NFIB: variants seen among roughly 807,000 people sequenced by gnomAD.
NFIB encodes the protein nuclear factor I B.
Under a neutral mutation model 61.5 loss-of-function variants are expected in NFIB, and 11 were observed. The ratio of observed to expected loss-of-function variants is 0.18; its 90% CI spans 0.11 to 0.30. The LOEUF is 0.30. Among genes scored for constraint, NFIB ranks in the 10% least tolerant of loss-of-function variants. The probability of loss-of-function intolerance (pLI) is 1.00; values close to 1 mark genes in which losing one functional copy is unlikely to be tolerated. For synonymous variants in NFIB, 260 were observed against 216.5 expected, an observed-to-expected ratio of 1.20 and a Z score of -1.76; for missense variants, 471 against 608.9, an observed-to-expected ratio of 0.77 and a Z score of 2.38.
intron 2 of NFIB, among the ~76,000 whole-genome samples, chr9:14,220,867 A>ACACG (rs1280731154): frequency 6.6e-5 from 10 of 151,240 alleles, no homozygotes; most frequent in Non-Finnish European, 1.5e-5. Flanking sequence ...ACACACACAC[A>ACACG]CACACACACA....
upstream of NFIB, among the ~76,000 whole-genome samples, chr9:14,400,394 T>G (rs1240186654): frequency 6.6e-6 from 1 of 152,206 alleles, no homozygotes; most frequent in African/African-American, 2.4e-5. Flanking sequence ...AGGAGATGAC[T>G]TTGCAGAATA....
the NFIB span, among the ~76,000 whole-genome samples, chr9:14,441,168 A>C: frequency 6.6e-6 from 1 of 152,026 alleles, no homozygotes; most frequent in Non-Finnish European, 1.5e-5. Flanking sequence ...GAGAAAACAA[A>C]AAAAAAAATC....
chr9:14,425,395 G>A, the NFIB span, among the ~76,000 whole-genome samples: 3 of 152,070 alleles, frequency 2.0e-5, no homozygotes, highest in African/African-American at 7.2e-5. Flanking sequence ...CAAAACAGGG[G>A]CACTGTGTGG....
the NFIB span, among the ~76,000 whole-genome samples, chr9:14,412,980 AC>A: frequency 2.6e-5 from 4 of 151,980 alleles, no homozygotes; most frequent in Admixed American, 2.6e-4. Context: ...CACAGTACAA[AC>A]CACCCCTCCT....
the NFIB span, among the ~76,000 whole-genome samples, chr9:14,530,685 T>C: frequency 1.3e-5 from 2 of 152,090 alleles, no homozygotes; most frequent in African/African-American, 2.4e-5. Flanking sequence ...TGCCTGGCAA[T>C]GCCAGAAGCC....
chr9:14,102,347 C>G, intron 10 of NFIB: 1 of 1,238,094 alleles, frequency 8.1e-7, no homozygotes, highest in South Asian at 1.4e-5. Context: ...TTCTGTAAAG[C>G]TAGTTAAAAA....
intron 1 of NFIB, among the ~76,000 whole-genome samples, chr9:14,333,699 A>G (rs1012441047): frequency 2.6e-5 from 4 of 152,220 alleles, no homozygotes; most frequent in East Asian, 3.8e-4. Flanking sequence ...TGGTCATACC[A>G]TTGAATATTA....
intron 1 of NFIB, among the ~76,000 whole-genome samples, chr9:14,353,636 C>A (rs570372948): frequency 1.2e-4 from 18 of 152,278 alleles, no homozygotes; most frequent in African/African-American, 4.1e-4. Flanking sequence ...CCTGTCAGGA[C>A]AAAGGCTGCT....
intron 1 of NFIB, among the ~76,000 whole-genome samples, chr9:14,343,983 G>A (rs2060986037): frequency 6.6e-6 from 1 of 152,090 alleles, no homozygotes; most frequent in Admixed American, 6.6e-5. Context: ...GTGACAACTG[G>A]AAGAAACAGA....
upstream of NFIB, among the ~76,000 whole-genome samples, chr9:14,314,814 C>G (rs1269462642): frequency 6.7e-6 from 1 of 149,062 alleles, no homozygotes; most frequent in African/African-American, 2.5e-5. Context: ...TCCAAAATAG[C>G]TCTTCTTTCC....
chr9:14,121,450 A>T (rs1164596297), intron 7 of NFIB, among the ~76,000 whole-genome samples: 2 of 152,242 alleles, frequency 1.3e-5, no homozygotes, highest in African/African-American at 4.8e-5. Context: ...TTCCCTGTAC[A>T]TCCTACCTGG....
intron 2 of NFIB, among the ~76,000 whole-genome samples, chr9:14,302,615 C>T (rs2059806918): frequency 6.6e-6 from 1 of 152,132 alleles, no homozygotes; most frequent in African/African-American, 2.4e-5. Flanking sequence ...TCATTTTAAA[C>T]TCTAATCTGT....
At chr9:14,249,535 G>C (rs77581951) in intron 2 of NFIB, among the ~76,000 whole-genome samples, 4,291 of 152,134 alleles carry the variant, frequency 0.028, 90 homozygotes, top group South Asian at 0.088. Flanking sequence ...GTGATCCTTT[G>C]ATTTGGGAAA....
the NFIB span, among the ~76,000 whole-genome samples, chr9:14,486,956 T>C: frequency 2.0e-5 from 3 of 152,236 alleles, no homozygotes; most frequent in South Asian, 4.1e-4. Flanking sequence ...CCAATCTGGA[T>C]TGATTTACCT....
At chr9:14,388,347 C>G (rs1184434292) in intron 1 of NFIB, among the ~76,000 whole-genome samples, 2 of 95,454 alleles carry the variant, frequency 2.1e-5, no homozygotes, top group South Asian at 3.8e-4. Flanking sequence ...AGAATGAGAC[C>G]TTTTCAAAAA....
At chr9:14,113,117 G>A in intron 9 of NFIB, 36 bp from the exon 10 acceptor site, 1 of 1,537,882 alleles carries the variant, frequency 6.5e-7, no homozygotes, top group Non-Finnish European at 8.8e-7. Context: ...GATAAAAATT[G>A]TGAACTATCA....
chr9:14,502,537 C>A, the NFIB span, among the ~76,000 whole-genome samples: 1 of 152,142 alleles, frequency 6.6e-6, no homozygotes, highest in Non-Finnish European at 1.5e-5. Flanking sequence ...GTCAAGAAAT[C>A]AGTTACTTAT....
At chr9:14,382,458 C>A (rs1238093021) in intron 1 of NFIB, among the ~76,000 whole-genome samples, 4 of 152,142 alleles carry the variant, frequency 2.6e-5, no homozygotes, top group African/African-American at 9.7e-5. Flanking sequence ...TAAGTAAGTA[C>A]TGTTGCAGTG....
At chr9:14,364,426 A>C (rs1161715284) in intron 1 of NFIB, among the ~76,000 whole-genome samples, 1 of 152,224 alleles carries the variant, frequency 6.6e-6, no homozygotes, top group African/African-American at 2.4e-5. Context: ...GAAAATTCTA[A>C]TGCTTAATAC....
Sources: gnomAD v4.1 joint callset for allele counts (sites outside exome capture counted in the v4.1 genomes callset) on GRCh38, gnomAD v4.1.1 for gene constraint, MANE v1.5 for transcripts, NCBI Gene and HGNC (gene_info 2026-07-23, HGNC 2026-07-21) for gene names.